PRG4: variants seen among roughly 807,000 people sequenced by gnomAD.
PRG4 encodes the protein articular superficial zone protein.
A neutral mutation model predicts 91.2 loss-of-function variants in PRG4; 61 were observed. That is an observed-to-expected ratio of 0.67 (90% CI 0.54 to 0.83). The LOEUF (loss-of-function observed/expected upper bound fraction) is 0.83. PRG4 is among the 40% of genes least tolerant of loss of function. The pLI is 0.00. For synonymous variants in PRG4, 576 were observed against 614.2 expected (o/e 0.94, Z 0.92); for missense variants, 1,564 against 1,714.2 (o/e 0.91, Z 1.55).
rs1553225130 is a variant in PRG4 at position 186,310,135 on chromosome 1, T to TTG, written c.3499+265_3499+266insTG. On this transcript the variant is annotated intron_variant, in intron 8 of 12. Transcript: ENST00000445192. ...GATTTAAAAAGTAGTTCATTTTTTT[T>TTG]GGGGGGGGGGGGTAGTTAAAATTTA... Among the ~76,000 whole-genome samples, 603 of 86,360 alleles carry TTG rather than the reference T, an allele frequency of 7.0e-3. 20 individuals carry two copies. Among genetic ancestry groups the TTG allele is most frequent in the African/African-American group, 0.023 (562 of 24,750 alleles). 56.7% of individuals were successfully genotyped at this position (86,360 alleles called of 152,430 possible).
At chr1:186,304,497 A>T (rs1345843716) in intron 5 of PRG4, among the ~76,000 whole-genome samples, 1 of 152,212 alleles carries the variant, frequency 6.6e-6, no homozygotes, top group Non-Finnish European at 1.5e-5. Context: ...GAAGGGACAA[A>T]TCTTACTATA....
Position 186,313,943 on chromosome 1 carries a change from T to C in PRG4, c.*165T>C, listed in dbSNP as rs1334381026. On this transcript the variant is annotated 3_prime_UTR_variant, in exon 13 of 13. Coordinates refer to ENST00000445192, the MANE Select transcript of PRG4 (RefSeq NM_005807.6). ...CACTAAAACAGATTTGATAATCTTATTCACAGTTGTTATTGTTTACAGACC... is the reference window on the plus strand; with the variant it reads ...CACTAAAACAGATTTGATAATCTTACTCACAGTTGTTATTGTTTACAGACC... 1 of 1,604,850 alleles carries C rather than the reference T, an allele frequency of 6.2e-7. No homozygotes were observed. Among genetic ancestry groups the C allele is most frequent in the East Asian group, 2.2e-5 (1 of 44,722 alleles).
At position 186,307,115 on chromosome 1, in the gene PRG4, G is replaced by T. The variant is rs267598237; in HGVS notation, c.1396G>T (p.Glu466Ter). ...PKEPTPTTPK[E>*]PAPTTKEPAP... ...GGAGCCTACACCCACCACTCCCAAG[G>T]AGCCTGCACCCACCACCAAGGAGCC... Residue 466 changes from glutamate to a stop codon, truncating the protein, a stop_gained, in exon 7 of 13, where the codon GAG (glutamate) becomes TAG (stop). Transcript: ENST00000445192. LOFTEE classifies it high-confidence loss of function. The T allele has an allele frequency of 6.4e-7, 1 of 1,555,318 alleles. No homozygotes were observed. The highest frequency in any genetic ancestry group is 1.6e-5 in the African/African-American group (1 of 60,720).
chr1:186,302,737 T>A (rs1656302841), intron 4 of PRG4, among the ~76,000 whole-genome samples: 1 of 152,204 alleles, frequency 6.6e-6, no homozygotes. Flanking sequence ...GGCCCCATGA[T>A]GAGTGACACA....
At chr1:186,311,281 A>T in intron 9 of PRG4, 111 bp downstream of exon 9, 1 of 1,430,602 alleles carries the variant, frequency 7.0e-7, no homozygotes, top group South Asian at 1.2e-5. Flanking sequence ...ATACTCTGTC[A>T]TCAAAATTTA....
Position 186,306,570 on chromosome 1 carries a change from T to C in PRG4, c.851T>C (p.Val284Ala), listed in dbSNP as rs748124713. The change falls in exon 7 of 13, where the codon GTT (valine) becomes GCT (alanine). Residue 284 changes from valine (V) to alanine (A), a missense_variant. This residue lies in a region of PRG4 where 437 missense variants were observed against 459.0 expected (regional missense o/e 0.95). Coordinates refer to ENST00000445192, the MANE Select transcript of PRG4 (RefSeq NM_005807.6). Reference sequence around the variant, plus strand: ...TTGACAGTGAATAAAGAGACAACAGTTGAAACTAAAGAAACTACTACAACA... The same window carrying C: ...TTGACAGTGAATAAAGAGACAACAGCTGAAACTAAAGAAACTACTACAACA... ...TSLTVNKETTVETKETTTTNK... is the reference protein window; with the variant it reads ...TSLTVNKETTAETKETTTTNK... 1.2e-6 allele frequency: 2 copies of C among 1,613,374 alleles called. No individual in the cohort carries two copies. Among genetic ancestry groups the C allele is most frequent in the Admixed American group, 3.3e-5 (2 of 59,986 alleles).
chr1:186,297,864 G>C (rs1001896227), intron 2 of PRG4, among the ~76,000 whole-genome samples: 4 of 152,132 alleles, frequency 2.6e-5, no homozygotes, highest in African/African-American at 9.7e-5. Context: ...TTGCAGAATT[G>C]TTTAGATAAG....
Position 186,307,503 on chromosome 1 carries a change from C to T in PRG4, c.1784C>T (p.Thr595Ile). The T allele has an allele frequency of 6.4e-7, 1 of 1,565,506 alleles. No individual in the cohort carries two copies. Among genetic ancestry groups the T allele is most frequent in the Non-Finnish European group, 8.7e-7 (1 of 1,146,096 alleles). The change falls in exon 7 of 13, where the codon ACC becomes ATC. Residue 595 changes from threonine (T) to isoleucine (I), a missense_variant. Physicochemically the swap from Thr to Ile is moderately conservative, Grantham distance 89. Around this residue, in one of 3 missense-constraint regions of PRG4, gnomAD observed 1,079 missense variants for 1,162.2 expected, o/e 0.93. Coordinates refer to ENST00000445192, the MANE Select transcript of PRG4 (RefSeq NM_005807.6). ...APTTPKEPAP[T>I]TTKKPAPTTP... ...ACCACTCCCAAGGAACCTGCACCCA[C>T]CACCACCAAGAAGCCTGCACCCACC... is the stretch of plus-strand genomic sequence containing the variant.
chr1:186,306,060 G>A (rs1270563206), intron 6 of PRG4, among the ~76,000 whole-genome samples: 1 of 152,108 alleles, frequency 6.6e-6, no homozygotes, highest in East Asian at 1.9e-4. Context: ...TGGTAATTTT[G>A]AACTTGCCAC....
chr1:186,303,971 C>A (rs897350292), intron 4 of PRG4, 137 bp from the exon 5 acceptor site: 3 of 861,026 alleles, frequency 3.5e-6, no homozygotes, highest in Non-Finnish European at 3.9e-6. Context: ...TGGAGTCATT[C>A]GTGTTGAGCT....
intron 11 of PRG4, 125 bp downstream of exon 11, chr1:186,312,497 G>A: frequency 9.9e-7 from 1 of 1,011,054 alleles, no homozygotes; most frequent in Non-Finnish European, 1.4e-6. Flanking sequence ...GCTTACTGAT[G>A]AAAAACTCAT....
rs1351431409 is a variant in PRG4, at chr1:186,308,271, C to T, written c.2552C>T (p.Pro851Leu). The T allele has an allele frequency of 3.1e-6, 5 of 1,614,040 alleles. No homozygotes were observed. The South Asian group carries it at 3.3e-5, about 11-fold the overall frequency. Residue 851 changes from proline (P) to leucine (L), a missense_variant, in exon 7 of 13, where the codon CCT becomes CTT. This residue lies in a region of PRG4 where 1,079 missense variants were observed against 1,162.2 expected (regional missense o/e 0.93). Coordinates refer to ENST00000445192, the MANE Select transcript of PRG4 (RefSeq NM_005807.6). ...KPAPTTPETP[P>L]PTTSEVSTPT... ...GCTCCAACTACTCCTGAGACACCTCCTCCAACCACTTCAGAGGTCTCTACT... is the reference window on the plus strand; with the variant it reads ...GCTCCAACTACTCCTGAGACACCTCTTCCAACCACTTCAGAGGTCTCTACT...
Position 186,306,814 on chromosome 1 carries a change from G to C in PRG4, c.1095G>C (p.Glu365Asp). Residue 365 changes from glutamate (E) to aspartate (D), a missense_variant, in exon 7 of 13, where the codon GAG (glutamate) becomes GAC (aspartate). Coordinates refer to ENST00000445192, the MANE Select transcript of PRG4 (RefSeq NM_005807.6). Reference sequence around the variant, plus strand: ...AGCCTGCATCTACCACACCCAAAGAGCCCACACCTACCACCATCAAGTCTG... The same window carrying C: ...AGCCTGCATCTACCACACCCAAAGACCCCACACCTACCACCATCAAGTCTG... ...PKEPASTTPK[E>D]PTPTTIKSAP... The C allele has an allele frequency of 6.2e-7, 1 of 1,607,712 alleles. No individual in the cohort carries two copies. Among genetic ancestry groups the C allele is most frequent in the African/African-American group, 1.4e-5 (1 of 72,988 alleles).
intron 10 of PRG4, 143 bp downstream of exon 10, chr1:186,311,739 T>C: frequency 1.2e-6 from 1 of 869,098 alleles, no homozygotes; most frequent in Non-Finnish European, 1.8e-6. Flanking sequence ...ATATTGAGGG[T>C]AGTATTCTTA....
At chr1:186,313,258 G>C in intron 12 of PRG4, 1 of 311,250 alleles carries the variant, frequency 3.2e-6, no homozygotes, top group Non-Finnish European at 6.0e-6. Context: ...AGAAGTTCCT[G>C]AGAAACTAAT....
intron 12 of PRG4, 56 bp downstream of exon 12, chr1:186,312,950 A>T: frequency 6.5e-7 from 1 of 1,549,100 alleles, no homozygotes; most frequent in Admixed American, 1.7e-5. Flanking sequence ...GAAAACATGA[A>T]GATAAAGTAA....
rs759494775 is a variant in PRG4 at position 186,304,861 on chromosome 1, T to G, written c.537T>G (p.Ile179Met). The change falls in exon 6 of 13, where the codon ATT (isoleucine) becomes ATG (methionine). Residue 179 changes from isoleucine (I) to methionine (M), a missense_variant. Ile to Met is a conservative substitution (Grantham distance 10). This residue lies in a region of PRG4 where 437 missense variants were observed against 459.0 expected (regional missense o/e 0.95). Transcript: ENST00000445192. ...SSSSSSSSST[I>M]RKIKSSKNSA... ...CCTCTTCCTCTTCTTCTTCAACAAT[T>G]CGGAAAATCAAGTCTTCCAAAAATT... 2 of 1,613,072 alleles carry G rather than the reference T, an allele frequency of 1.2e-6. No individual in the cohort carries two copies. The highest frequency in any genetic ancestry group is 1.7e-6 in the Non-Finnish European group (2 of 1,179,230).
chr1:186,304,948 A>T, intron 6 of PRG4, 26 bp downstream of exon 6: 3 of 1,606,696 alleles, frequency 1.9e-6, no homozygotes, highest in Non-Finnish European at 2.6e-6. Flanking sequence ...AAGATCAAAG[A>T]CTGTATCAAT....
intron 7 of PRG4, 101 bp downstream of exon 7, chr1:186,309,241 T>G: frequency 8.3e-7 from 1 of 1,203,412 alleles, no homozygotes; most frequent in South Asian, 1.3e-5. Flanking sequence ...CTGAGATATA[T>G]TACCTGACCT....
Sources: allele counts gnomAD v4.1 joint callset (sites outside exome capture counted in the v4.1 genomes callset), GRCh38; gene constraint gnomAD v4.1.1; regional missense constraint gnomAD v4.1.1; transcripts MANE v1.5; gene names NCBI Gene and HGNC (gene_info 2026-07-23, HGNC 2026-07-21).